The following PARD3B variants were observed in gnomAD, a reference collection of about 807,000 sequenced individuals.
PARD3B encodes par-3 family cell polarity regulator beta.
A neutral mutation model predicts 130.2 loss-of-function variants in PARD3B; 103 were observed. The observed-to-expected ratio is 0.79, with a 90% CI of 0.67 to 0.93. The LOEUF (loss-of-function observed/expected upper bound fraction) is 0.93, where lower values mean the gene tolerates loss of function less well. Among genes scored for constraint, PARD3B ranks in the 40% least tolerant of loss-of-function variants. The probability of loss-of-function intolerance (pLI) is 0.00; values close to 1 mark genes in which losing one functional copy is unlikely to be tolerated. For missense variants in PARD3B, 1,609 were observed against 1,499.2 expected (o/e 1.07, Z -1.21); for synonymous variants, 583 against 553.2 (o/e 1.05, Z -0.76).
Position 204,885,111 on chromosome 2 carries a change from C to T in PARD3B, c.223-80041C>T, listed in dbSNP as rs185598902. ...CTCCCATCAATGGCGTAAAAACATT[C>T]CTTTTGCTCTGCAACCTTGCCAGCA... is the stretch of plus-strand genomic sequence containing the variant. On this transcript the variant is annotated intron_variant, in intron 2 of 22. Transcript: ENST00000406610. Among the ~76,000 whole-genome samples, 445 of 152,286 alleles carry T rather than the reference C, an allele frequency of 2.9e-3. 1 individual carries two copies. The highest frequency in any genetic ancestry group is 9.9e-3 in the African/African-American group (411 of 41,564).
At position 205,353,777 on chromosome 2, in the gene PARD3B, T is replaced by C. The variant is rs75370051; in HGVS notation, c.2631-47236T>C. ...CTCCAAATTGGTAGCTGCCTGTAAT[T>C]TGCTGGCATTGTAGAAACAAAAACA... On this transcript the variant is annotated intron_variant, in intron 18 of 22. Coordinates refer to ENST00000406610, the MANE Select transcript of PARD3B (RefSeq NM_001302769.2). Among the ~76,000 whole-genome samples, 90 of 152,276 alleles carry C rather than the reference T, an allele frequency of 5.9e-4. 2 individuals carry two copies. In the East Asian group the frequency reaches 0.012, roughly 21 times the overall value.
At chr2:204,712,230 G>A (rs2038474952) in intron 2 of PARD3B, among the ~76,000 whole-genome samples, 2 of 152,172 alleles carry the variant, frequency 1.3e-5, no homozygotes, top group Non-Finnish European at 2.9e-5. Context: ...AAGAAAGTTT[G>A]AACATTATGG....
chr2:204,643,540 C>T (rs558219286), intron 1 of PARD3B, among the ~76,000 whole-genome samples: 76 of 152,242 alleles, frequency 5.0e-4, no homozygotes, highest in African/African-American at 1.7e-3. Flanking sequence ...CCACATGCAA[C>T]GCAGGACGGC....
intron 2 of PARD3B, among the ~76,000 whole-genome samples, chr2:204,835,464 C>T (rs572787339): frequency 1.6e-3 from 240 of 152,250 alleles, no homozygotes; most frequent in Non-Finnish European, 2.6e-3. Flanking sequence ...CTTACCTCTC[C>T]TCCCCTCTCC....
At chr2:204,771,198 A>T (rs1184261154) in intron 2 of PARD3B, among the ~76,000 whole-genome samples, 2 of 151,742 alleles carry the variant, frequency 1.3e-5, no homozygotes, top group Non-Finnish European at 2.9e-5. Context: ...TTCTTCTTCC[A>T]TTTCAAAATG....
At position 204,798,819 on chromosome 2, in the gene PARD3B, C is replaced by T. The variant is rs559507832; in HGVS notation, c.222+112537C>T. Among the ~76,000 whole-genome samples the T allele has an allele frequency of 6.6e-4, 100 of 152,180 alleles. 2 individuals carry two copies. The South Asian group carries it at 0.02, about 31-fold the overall frequency. On this transcript the variant is annotated intron_variant, in intron 2 of 22. Coordinates refer to ENST00000406610, the MANE Select transcript of PARD3B (RefSeq NM_001302769.2). ...AACCCGATGCCTTGAAGGGAAGGAT[C>T]CAGTCCTGGCAAGATGCATCATTAA...
intron 4 of PARD3B, among the ~76,000 whole-genome samples, chr2:205,055,980 T>C (rs905026264): frequency 6.6e-6 from 1 of 152,106 alleles, no homozygotes; most frequent in Non-Finnish European, 1.5e-5. Context: ...CATATAGTCA[T>C]GTTATCGTAA....
chr2:204,927,097 A>G (rs974998704), intron 2 of PARD3B, among the ~76,000 whole-genome samples: 1 of 152,148 alleles, frequency 6.6e-6, no homozygotes, highest in African/African-American at 2.4e-5. Flanking sequence ...CAAGGAATGC[A>G]TAGCCCTCTT....
chr2:205,278,776 CTG>C (rs1362640385), intron 16 of PARD3B, among the ~76,000 whole-genome samples: 1 of 151,962 alleles, frequency 6.6e-6, no homozygotes, highest in Non-Finnish European at 1.5e-5. Flanking sequence ...TTTATAATAA[CTG>C]TTGTTCATAG....
At position 204,907,032 on chromosome 2, in the gene PARD3B, G is replaced by A. The variant is rs184147113; in HGVS notation, c.223-58120G>A. ...GTCTTGCTCTGTCGCCCAGGCTGGAGTTCAGTGGCACGATCTCGGCTCACT... is the reference window on the plus strand; with the variant it reads ...GTCTTGCTCTGTCGCCCAGGCTGGAATTCAGTGGCACGATCTCGGCTCACT... On this transcript the variant is annotated intron_variant, in intron 2 of 22. Transcript: ENST00000406610. The surrounding 1 kb of genome is among the most constrained non-coding windows in gnomAD (Gnocchi z 5.7). Among the ~76,000 whole-genome samples, 20 of 152,134 alleles carry A rather than the reference G, an allele frequency of 1.3e-4. No homozygotes were observed. The highest frequency in any genetic ancestry group is 2.1e-4 in the Non-Finnish European group (14 of 67,996).
intron 18 of PARD3B, among the ~76,000 whole-genome samples, chr2:205,348,633 A>G (rs2043882011): frequency 6.6e-6 from 1 of 152,212 alleles, no homozygotes; most frequent in Admixed American, 6.5e-5. Context: ...GCACAAAATG[A>G]TGGCATTTGC....
rs2048601714 is a variant in PARD3B, at chr2:205,465,821, T to A, written c.3044+25149T>A. Among the ~76,000 whole-genome samples, 3 of 152,128 alleles carry A rather than the reference T, an allele frequency of 2.0e-5. No homozygotes were observed. The South Asian group carries it at 6.2e-4, about 31-fold the overall frequency. The stretch of plus-strand genomic sequence containing the variant: ...GATGCCAGAAGCATCTGGAGAACAG[T>A]GATGTCCAATAATTGCAGCTAAAAG... On this transcript the variant is annotated intron_variant, in intron 20 of 22. Transcript: ENST00000406610.
chr2:205,353,425 G>A (rs967554024), intron 18 of PARD3B, among the ~76,000 whole-genome samples: 6 of 152,076 alleles, frequency 3.9e-5, no homozygotes, highest in Non-Finnish European at 7.3e-5. Context: ...TAGAGACTAG[G>A]CCTTACTCAT....
intron 18 of PARD3B, among the ~76,000 whole-genome samples, chr2:205,382,488 C>T (rs149463336): frequency 1.2e-4 from 18 of 152,050 alleles, no homozygotes; most frequent in African/African-American, 4.3e-4. Context: ...ACGATTTTTC[C>T]CTTTGTAATT....
At chr2:205,164,185 A>C (rs376721179) in intron 11 of PARD3B, among the ~76,000 whole-genome samples, 3 of 152,342 alleles carry the variant, frequency 2.0e-5, no homozygotes, top group African/African-American at 7.2e-5. Context: ...GGAAAAATAC[A>C]TTTTAGCTAA....
At chr2:204,605,538 A>G (rs894869380) in intron 1 of PARD3B, among the ~76,000 whole-genome samples, 5 of 152,266 alleles carry the variant, frequency 3.3e-5, no homozygotes, top group Admixed American at 6.5e-5. Context: ...CTAAAACTGT[A>G]CATGTGTCTC....
intron 3 of PARD3B, among the ~76,000 whole-genome samples, chr2:205,034,941 C>G (rs1233985228): frequency 6.6e-6 from 1 of 152,144 alleles, no homozygotes; most frequent in Non-Finnish European, 1.5e-5. Context: ...ACTGCAACCT[C>G]CGCCACCTGA....
rs530307571 is a variant in PARD3B at position 204,647,601 on chromosome 2, G to A, written c.121-38580G>A. On this transcript the variant is annotated intron_variant, in intron 1 of 22. Transcript: ENST00000406610. ...CTAAAGTACCCTGGAGTGGTACACT[G>A]TGATCATATGCAATATCCAATAGTA... 9.9e-5 allele frequency among the ~76,000 whole-genome samples: 15 copies of A among 151,886 alleles called. No individual in the cohort carries two copies. In the South Asian group the frequency reaches 2.7e-3, roughly 27 times the overall value.
intron 2 of PARD3B, among the ~76,000 whole-genome samples, chr2:204,954,971 C>T (rs73984453): frequency 0.021 from 3,220 of 152,016 alleles, 112 homozygotes; most frequent in African/African-American, 0.074. Flanking sequence ...AGAAAGGTTC[C>T]TTTTTTTTAT....
Sources: gnomAD v4.1 joint callset for allele counts (sites outside exome capture counted in the v4.1 genomes callset) on GRCh38, gnomAD v4.1.1 for gene constraint, Gnocchi (gnomAD v3.1) non-coding constraint, MANE v1.5 for transcripts, NCBI Gene and HGNC (gene_info 2026-07-23, HGNC 2026-07-21) for gene names.